POLH: variants seen among roughly 807,000 people sequenced by gnomAD.
POLH encodes the protein DNA polymerase eta transcript.
POLH carries 53 observed loss-of-function variants against 73.6 expected under a neutral mutation model. The ratio of observed to expected loss-of-function variants is 0.72; its 90% CI spans 0.58 to 0.91. The LOEUF is 0.91. Among genes scored for constraint, POLH ranks in the 40% least tolerant of loss-of-function variants. POLH has a pLI of 0.00. For synonymous variants in POLH, 292 were observed against 308.5 expected, an observed-to-expected ratio of 0.95 and a Z score of 0.56; for missense variants, 768 against 865.4, an observed-to-expected ratio of 0.89 and a Z score of 1.41.
rs774198153 is a variant in POLH, at chr6:43,620,261, G to A, written c.*5704G>A. The A allele has an allele frequency of 1.9e-6, 1 of 516,908 alleles. No individual in the cohort carries two copies. The highest frequency in any genetic ancestry group is 3.9e-6 in the Non-Finnish European group (1 of 259,478). The allele number at this position is 516,908 out of a possible 1,614,324, so 32.0% of individuals were successfully genotyped here. On this transcript the variant is annotated 3_prime_UTR_variant, in exon 11 of 11. Coordinates refer to ENST00000372236, the MANE Select transcript of POLH (RefSeq NM_006502.3). ...GGTAGCTACCTATTTCACGTGAAAG[G>A]CCTCAGTATTCTGCTCACTTGAACT...
At chr6:43,610,056 CTTTTTTTTT>C (rs1297780442) in intron 9 of POLH, among the ~76,000 whole-genome samples, 1 of 98,496 alleles carries the variant, frequency 1.0e-5, no homozygotes, top group African/African-American at 4.0e-5. Flanking sequence ...TATATAGATT[CTTTTTTTTT>C]TTTTTTTTTT....
rs1768377565 is a variant in POLH, at chr6:43,616,787, C to G, written c.*2230C>G. On this transcript the variant is annotated 3_prime_UTR_variant, in exon 11 of 11. Coordinates refer to ENST00000372236, the MANE Select transcript of POLH (RefSeq NM_006502.3). ...ACAGTGAATTTCATACAGGTAAACC[C>G]TATTATACCCTCAGTTCTAACCATT... 6.6e-6 allele frequency among the ~76,000 whole-genome samples: 1 copy of G among 152,146 alleles called. No individual in the cohort carries two copies. Among genetic ancestry groups the G allele is most frequent in the African/African-American group, 2.4e-5 (1 of 41,420 alleles).
Position 43,617,367 on chromosome 6 carries a change from CTGTAA to C in POLH, c.*2812_*2816del, listed in dbSNP as rs1372390327. Reference sequence around the variant, plus strand: ...GTGGGTCAGGTGTGGTGGCTCATGCCTGTAATCCCACACTTTGGGAGGCCAAGGTG... The same window carrying C: ...GTGGGTCAGGTGTGGTGGCTCATGCCTCCCACACTTTGGGAGGCCAAGGTG... On this transcript the variant is annotated 3_prime_UTR_variant, in exon 11 of 11. Transcript: ENST00000372236. 1.6e-3 allele frequency among the ~76,000 whole-genome samples: 243 copies of C among 152,150 alleles called. No homozygotes were observed. The highest frequency in any genetic ancestry group is 5.5e-3 in the African/African-American group (228 of 41,508).
In POLH at chr6:43,616,275, G is replaced by A. The variant is rs1361290194; in HGVS notation, c.*1718G>A. ...AGCCTGGGTGACAGAGCGAGACTCC[G>A]TCTCAAAAAAAAAAAAAAAAGAAAA... On this transcript the variant is annotated 3_prime_UTR_variant, in exon 11 of 11. Transcript: ENST00000372236. 1.4e-5 allele frequency among the ~76,000 whole-genome samples: 2 copies of A among 138,020 alleles called. No homozygotes were observed. The highest frequency in any genetic ancestry group is 7.3e-5 in the Admixed American group (1 of 13,698). 90.5% of individuals were successfully genotyped at this position (138,020 alleles called of 152,430 possible).
Position 43,619,507 on chromosome 6 carries a change from G to C in POLH, c.*4950G>C. Among the ~76,000 whole-genome samples, 1 of 151,406 alleles carries C rather than the reference G, an allele frequency of 6.6e-6. No homozygotes were observed. Among genetic ancestry groups the C allele is most frequent in the East Asian group, 2.0e-4 (1 of 5,124 alleles). On this transcript the variant is annotated 3_prime_UTR_variant, in exon 11 of 11. Transcript: ENST00000372236. The stretch of plus-strand genomic sequence containing the variant: ...TGATAGGTGCTGATACTCATTGGAT[G>C]AATGTATATAGTGAAGAATTTTAGA...
At chr6:43,603,799 G>A in intron 6 of POLH, 93 bp from the exon 7 acceptor site, 1 of 1,254,580 alleles carries the variant, frequency 8.0e-7, no homozygotes, top group Non-Finnish European at 1.2e-6. Flanking sequence ...TGAACCTTTT[G>A]GAGAGCTGTT....
intron 4 of POLH, chr6:43,588,483 A>C (rs182254868): frequency 1.4e-5 from 2 of 147,276 alleles, no homozygotes; most frequent in East Asian, 4.0e-4. Context: ...ATGGAGCGTC[A>C]CTCTGTCGCC....
chr6:43,612,346 CTTTT>C (rs112706817), intron 10 of POLH, among the ~76,000 whole-genome samples: 2 of 137,412 alleles, frequency 1.5e-5, no homozygotes, highest in Admixed American at 7.4e-5. Flanking sequence ...TATTGGGATA[CTTTT>C]TTTTTTTTTT....
intron 4 of POLH, among the ~76,000 whole-genome samples, chr6:43,594,182 T>C (rs900349352): frequency 6.6e-6 from 1 of 152,016 alleles, no homozygotes; most frequent in African/African-American, 2.4e-5. Flanking sequence ...ATGAAAAAAA[T>C]CTAAAGCAGA....
Position 43,610,610 on chromosome 6 carries a change from C to T in POLH, c.1131C>T (p.Arg377=), listed in dbSNP as rs1767791464. ...GCATTCGTGTACAAGGAGACAAACG[C>T]CTCAGCAGCCTGCGCCGCTGCTGTG... is the stretch of plus-strand genomic sequence containing the variant. ...VVSIRVQGDK[R]LSSLRRCCAL... Residue 377 remains arginine (R), a synonymous_variant, in exon 10 of 11, where the codon CGC becomes CGT. Coordinates refer to ENST00000372236, the MANE Select transcript of POLH (RefSeq NM_006502.3). 1.2e-6 allele frequency: 2 copies of T among 1,613,828 alleles called. No homozygotes were observed. The highest frequency in any genetic ancestry group is 8.5e-7 in the Non-Finnish European group (1 of 1,179,738).
At chr6:43,608,689 T>C (rs892996773) in intron 9 of POLH, among the ~76,000 whole-genome samples, 7 of 152,196 alleles carry the variant, frequency 4.6e-5, no homozygotes, top group Non-Finnish European at 1.0e-4. Flanking sequence ...CCACTGTGCC[T>C]AGCCTTTTCT....
Position 43,598,201 on chromosome 6 carries a change from C to CAAAAAAAAAAAAAAAAA in POLH, c.660+337_660+353dup, listed in dbSNP as rs560020212. Among the ~76,000 whole-genome samples the CAAAAAAAAAAAAAAAAA allele has an allele frequency of 1.6e-3, 115 of 73,276 alleles. 2 individuals are homozygous for CAAAAAAAAAAAAAAAAA. The highest frequency in any genetic ancestry group is 5.6e-3 in the African/African-American group (111 of 19,748). 48.1% of individuals were successfully genotyped at this position (73,276 alleles called of 152,430 possible). On this transcript the variant is annotated intron_variant, in intron 5 of 10. Transcript: ENST00000372236. ...GCTTGGGCGACAGTGAGACTGTCACCAAAAAAAAAAAAAAAAAGTTGTTAC... is the reference window on the plus strand; with the variant it reads ...GCTTGGGCGACAGTGAGACTGTCACCAAAAAAAAAAAAAAAAAAAAAAAAAAAAAAAAAAGTTGTTAC...
Position 43,618,403 on chromosome 6 carries a change from C to T in POLH, c.*3846C>T, listed in dbSNP as rs1487093835. On this transcript the variant is annotated 3_prime_UTR_variant, in exon 11 of 11. Transcript: ENST00000372236. ...TCTAGACCTCGTGATCCATCCGCCT[C>T]GGCCTCCCAAAGTGCTGGGATTATA... 1.3e-5 allele frequency among the ~76,000 whole-genome samples: 2 copies of T among 151,978 alleles called. No homozygotes were observed. Among genetic ancestry groups the T allele is most frequent in the Admixed American group, 6.6e-5 (1 of 15,260 alleles).
chr6:43,587,682 T>C (rs1764978450), intron 4 of POLH, among the ~76,000 whole-genome samples, 193 bp downstream of exon 4: 1 of 152,196 alleles, frequency 6.6e-6, no homozygotes, highest in Non-Finnish European at 1.5e-5. Context: ...CTGTGAAATC[T>C]GTATGAAAGT....
At chr6:43,585,566 C>T (rs1039912680) in intron 3 of POLH, among the ~76,000 whole-genome samples, 4 of 151,442 alleles carry the variant, frequency 2.6e-5, no homozygotes, top group East Asian at 1.9e-4. Context: ...GGATGAAGAC[C>T]GAATATATAT....
intron 4 of POLH, among the ~76,000 whole-genome samples, chr6:43,590,357 TA>T (rs113382332): frequency 0.017 from 2,296 of 134,472 alleles, 42 homozygotes; most frequent in African/African-American, 0.055. Flanking sequence ...GACTCCATCT[TA>T]AAAAAAAAAA....
intron 3 of POLH, among the ~76,000 whole-genome samples, chr6:43,585,315 C>G (rs568307628): frequency 6.6e-6 from 1 of 152,056 alleles, no homozygotes; most frequent in Non-Finnish European, 1.5e-5. Flanking sequence ...AGGGAGGCTC[C>G]GTTATGTACT....
At chr6:43,577,661 A>C (rs905181610) in intron 1 of POLH, among the ~76,000 whole-genome samples, 2 of 151,734 alleles carry the variant, frequency 1.3e-5, no homozygotes, top group African/African-American at 2.4e-5. Context: ...TTTTTAGAAT[A>C]CAGTTGGGTG....
At chr6:43,603,596 G>A (rs1435068500) in intron 6 of POLH, among the ~76,000 whole-genome samples, 1 of 152,140 alleles carries the variant, frequency 6.6e-6, no homozygotes, top group East Asian at 1.9e-4. Flanking sequence ...AGCCATGGAA[G>A]GGATTTATTT....
Sources: allele counts gnomAD v4.1 joint callset (sites outside exome capture counted in the v4.1 genomes callset), GRCh38; gene constraint gnomAD v4.1.1; transcripts MANE v1.5; gene names NCBI Gene and HGNC (gene_info 2026-07-23, HGNC 2026-07-21).